Variants in ARAP1 observed in about 807,000 individuals in gnomAD.
ARAP1 encodes the protein ArfGAP with RhoGAP domain, ankyrin repeat and PH domain 1, also known as arf-GAP with Rho-GAP domain, ANK repeat and PH domain-containing protein 1.
In ARAP1, 76 loss-of-function variants were observed where a neutral mutation model predicts 172.2. The ratio of observed to expected loss-of-function variants is 0.44; its 90% CI spans 0.37 to 0.53. The LOEUF is 0.53. ARAP1 is among the 20% of genes least tolerant of loss of function. The probability of loss-of-function intolerance (pLI) is 0.00; values close to 1 mark genes in which losing one functional copy is unlikely to be tolerated. For synonymous variants in ARAP1, 804 were observed against 803.3 expected, an observed-to-expected ratio of 1.00 and a Z score of -0.01; for missense variants, 1,686 against 1,977.5, an observed-to-expected ratio of 0.85 and a Z score of 2.80.
chr11:72,722,501 C>G (rs1857558635), intron 3 of ARAP1: 1 of 331,378 alleles, frequency 3.0e-6, no homozygotes, highest in African/African-American at 2.2e-5. Flanking sequence ...ACTGACAAGC[C>G]CTGGCGGTGG....
At chr11:72,705,960 T>TAGACACTGGGGGTGG in intron 12 of ARAP1, 70 bp from the exon 13 acceptor site, 1 of 1,516,174 alleles carries the variant, frequency 6.6e-7, no homozygotes. Context: ...CCACCCCCAG[T>TAGACACTGGGGGTGG]GTCTACTGGG....
rs1856242404 is a variant in ARAP1 at position 72,697,212 on chromosome 11, C to A, written c.2954-17G>T. The A allele has an allele frequency of 6.3e-7, 1 of 1,593,924 alleles. No individual in the cohort carries two copies. The highest frequency in any genetic ancestry group is 8.5e-7 in the Non-Finnish European group (1 of 1,173,152). On this transcript the variant is annotated splice_polypyrimidine_tract_variant and intron_variant, in intron 21 of 34. Coordinates refer to ENST00000393609, the MANE Select transcript of ARAP1 (RefSeq NM_001040118.3). Reference sequence around the variant, plus strand: ...AGGTCAGGCCTAGGGAGGGGCGGGGCCAAGCGTTCGGGGCCTGAGGCATAG... The same window carrying A: ...AGGTCAGGCCTAGGGAGGGGCGGGGACAAGCGTTCGGGGCCTGAGGCATAG...
chr11:72,687,831 G>A, intron 31 of ARAP1, 93 bp from the exon 32 acceptor site: 1 of 1,405,116 alleles, frequency 7.1e-7, no homozygotes, highest in Admixed American at 1.7e-5. Flanking sequence ...GCCACAGCCA[G>A]AGCCAGAGCC....
chr11:72,726,070 G>A lies in ARAP1; in HGVS notation c.509+550C>T, dbSNP rs929468620. ...GCCCCAGAGGGGAAACAGTTCTGAGGAGGGAGGGCATGCCAGATGAGGCCT... is the reference window on the plus strand; with the variant it reads ...GCCCCAGAGGGGAAACAGTTCTGAGAAGGGAGGGCATGCCAGATGAGGCCT... On this transcript the variant is annotated intron_variant, in intron 3 of 34. Transcript: ENST00000393609. This position sits in a 1 kb window ranked among gnomAD's most constrained non-coding sequence, Gnocchi z 6.5. Among the ~76,000 whole-genome samples the A allele has an allele frequency of 3.3e-5, 5 of 152,270 alleles. No homozygotes were observed. The highest frequency in any genetic ancestry group is 3.4e-3 in the Middle Eastern group (1 of 294).
chr11:72,703,350 T>G, intron 14 of ARAP1: 4 of 252,592 alleles, frequency 1.6e-5, no homozygotes, highest in East Asian at 8.7e-5. Flanking sequence ...TGGACACAGC[T>G]GCCCAGTCAG....
chr11:72,749,136 C>T (rs766717069), intron 1 of ARAP1, among the ~76,000 whole-genome samples: 10 of 152,192 alleles, frequency 6.6e-5, no homozygotes, highest in Non-Finnish European at 1.5e-4. Context: ...TAGCTGGGGT[C>T]ACACACTGTT....
In ARAP1 at chr11:72,710,038, CAG is replaced by C. The variant is rs1856941138; in HGVS notation, c.1417-64_1417-63del. The C allele has an allele frequency of 6.2e-6, 9 of 1,462,342 alleles. No homozygotes were observed. Among genetic ancestry groups the C allele is most frequent in the Non-Finnish European group, 8.6e-6 (9 of 1,043,416 alleles). The allele number at this position is 1,462,342 out of a possible 1,614,324, so 90.6% of individuals were successfully genotyped here. ...TGGGGGCAGGGCGTGAGGCTTGGGA[CAG>C]GGAGAGGAAGGGAAGGTGGTGCAAC... On this transcript the variant is annotated intron_variant, in intron 10 of 34. Coordinates refer to ENST00000393609, the MANE Select transcript of ARAP1 (RefSeq NM_001040118.3). The surrounding 1 kb of genome is among the most constrained non-coding windows in gnomAD (Gnocchi z 4.3).
At chr11:72,685,775 A>C in intron 34 of ARAP1, 94 bp from the exon 35 acceptor site, 1 of 1,534,640 alleles carries the variant, frequency 6.5e-7, no homozygotes, top group Non-Finnish European at 9.0e-7. Context: ...GCCACTCTCC[A>C]CTGCCAGCCG....
rs558812169 is a variant in ARAP1, at chr11:72,710,172, C to T, written c.1417-196G>A. Among the ~76,000 whole-genome samples, 12 of 147,444 alleles carry T rather than the reference C, an allele frequency of 8.1e-5. No individual in the cohort carries two copies. Among genetic ancestry groups the T allele is most frequent in the East Asian group, 8.1e-4 (4 of 4,958 alleles). ...GCCCACACAGCAATGAACAGAGGTG[C>T]GGGGGAGCAAGGGCCAGGGCAGGGA... On this transcript the variant is annotated intron_variant, in intron 10 of 34. Transcript: ENST00000393609. The surrounding 1 kb of genome is among the most constrained non-coding windows in gnomAD (Gnocchi z 4.3).
intron 33 of ARAP1, 47 bp from the exon 34 acceptor site, chr11:72,686,238 G>C: frequency 6.3e-7 from 1 of 1,583,868 alleles, no homozygotes; most frequent in Non-Finnish European, 8.6e-7. Flanking sequence ...AGTTCACCCA[G>C]ACACTCAGCC....
chr11:72,746,968 G>A (rs1858386985), intron 1 of ARAP1, among the ~76,000 whole-genome samples: 1 of 152,180 alleles, frequency 6.6e-6, no homozygotes, highest in South Asian at 2.1e-4. Flanking sequence ...GTGCTCGCTG[G>A]GCCAGTAGGA....
Position 72,726,987 on chromosome 11 carries a change from C to CG in ARAP1, c.141_142insC (p.Asp48ArgfsTer62). 1 of 1,605,344 alleles carries CG rather than the reference C, an allele frequency of 6.2e-7. No individual in the cohort carries two copies. The highest frequency in any genetic ancestry group is 8.5e-7 in the Non-Finnish European group (1 of 1,176,290). On this transcript the variant is annotated frameshift_variant, in exon 3 of 35. Coordinates refer to ENST00000393609, the MANE Select transcript of ARAP1 (RefSeq NM_001040118.3). LOFTEE classifies it high-confidence loss of function. This position sits in a 1 kb window ranked among gnomAD's most constrained non-coding sequence, Gnocchi z 6.5. ...TGACCAGGGAGTAGCATGCCCATGT[C>CG]CATCAGGCGGGTGTCGCTGAGGCCT...
At chr11:72,733,209 C>T (rs1412468841) in intron 1 of ARAP1, among the ~76,000 whole-genome samples, 1 of 152,238 alleles carries the variant, frequency 6.6e-6, no homozygotes, top group African/African-American at 2.4e-5. Flanking sequence ...CACTCTCTGG[C>T]CCTGCAAGAC....
Position 72,691,291 on chromosome 11 carries a change from A to G in ARAP1, c.3987+1462T>C, listed in dbSNP as rs116823384. Among the ~76,000 whole-genome samples, 631 of 152,344 alleles carry G rather than the reference A, an allele frequency of 4.1e-3. 3 individuals are homozygous for G. The highest frequency in any genetic ancestry group is 0.015 in the African/African-American group (603 of 41,578). On this transcript the variant is annotated intron_variant, in intron 30 of 34. Transcript: ENST00000393609. ...AGCACTAAGCCAGGTTCCTTAGGGA[A>G]CATTAGATCTCATCCCTTTTTCTAG...
At chr11:72,704,483 G>T (rs2306616) in intron 13 of ARAP1, 149 bp from the exon 14 acceptor site, 303,667 of 850,892 alleles carry the variant, frequency 0.36, 55,627 homozygotes, top group Middle Eastern at 0.39. Context: ...GGACAGCCTG[G>T]CCTGCTGGTG....
intron 30 of ARAP1, 151 bp downstream of exon 30, chr11:72,692,602 C>T: frequency 2.0e-6 from 2 of 980,418 alleles, no homozygotes; most frequent in Non-Finnish European, 3.1e-6. Context: ...GAGCTTAGGC[C>T]CCAGGATAGG....
chr11:72,728,889 A>T (rs979572513), intron 2 of ARAP1, among the ~76,000 whole-genome samples: 1 of 152,228 alleles, frequency 6.6e-6, no homozygotes, highest in African/African-American at 2.4e-5. Context: ...AATCCAATTA[A>T]ATATGTACAG....
chr11:72,713,607 G>A (rs1857133798), intron 4 of ARAP1, among the ~76,000 whole-genome samples: 1 of 152,094 alleles, frequency 6.6e-6, no homozygotes, highest in Non-Finnish European at 1.5e-5. Context: ...CAGCACTTTG[G>A]GAGGCTGAGG....
Position 72,699,657 on chromosome 11 carries a change from T to G in ARAP1, c.2303-105A>C. 7.0e-7 allele frequency: 1 copy of G among 1,435,856 alleles called. No individual in the cohort carries two copies. Among genetic ancestry groups the G allele is most frequent in the Non-Finnish European group, 9.3e-7 (1 of 1,072,286 alleles). 88.9% of individuals were successfully genotyped at this position (1,435,856 alleles called of 1,614,324 possible). A position where few individuals can be genotyped will look rare whatever the true frequency, so the allele number is the denominator to read the frequency against. ...TGCTCCCATCTGACCCATGAGCTCT[T>G]CATTCTCTCAAGTTTTCCCTAAATC... On this transcript the variant is annotated intron_variant, in intron 16 of 34. Coordinates refer to ENST00000393609, the MANE Select transcript of ARAP1 (RefSeq NM_001040118.3). This position sits in a 1 kb window ranked among gnomAD's most constrained non-coding sequence, Gnocchi z 4.2.
Sources: gnomAD v4.1 joint callset for allele counts (sites outside exome capture counted in the v4.1 genomes callset) on GRCh38, gnomAD v4.1.1 for gene constraint, Gnocchi (gnomAD v3.1) non-coding constraint, MANE v1.5 for transcripts, NCBI Gene and HGNC (gene_info 2026-07-23, HGNC 2026-07-21) for gene names.